PALLD: variants seen among roughly 807,000 people sequenced by gnomAD.
PALLD encodes the protein palladin.
In PALLD, 61 loss-of-function variants were observed where a neutral mutation model predicts 123.5. The observed-to-expected ratio is 0.49, with a 90% CI of 0.40 to 0.61. PALLD has a LOEUF of 0.61. Among genes scored for constraint, PALLD ranks in the 20% least tolerant of loss-of-function variants. The probability of loss-of-function intolerance (pLI) is 0.00; values close to 1 mark genes in which losing one functional copy is unlikely to be tolerated. For missense variants in PALLD, 1,273 were observed against 1,377.0 expected (o/e 0.92, Z 1.20); for synonymous variants, 465 against 496.4 (o/e 0.94, Z 0.84).
rs1363674362 is a variant in PALLD, at chr4:168,908,462, CAT to C, written c.2622+4557_2622+4558del. 5.3e-5 allele frequency among the ~76,000 whole-genome samples: 8 copies of C among 152,076 alleles called. No homozygotes were observed. In the East Asian group the frequency reaches 7.7e-4, roughly 15 times the overall value. On this transcript the variant is annotated intron_variant, in intron 15 of 21. Transcript: ENST00000505667. ...TTTTCTTATAATTTATGAATTAAGA[CAT>C]GAGTTTAAATAGTCATGTCATAAAA...
At chr4:168,794,426 T>C (rs1398872387) in intron 10 of PALLD, among the ~76,000 whole-genome samples, 2 of 149,040 alleles carry the variant, frequency 1.3e-5, no homozygotes, top group Admixed American at 1.3e-4. Context: ...CGCACACGCA[T>C]GCGCGCGCAC....
chr4:168,589,247 C>G (rs951378652), intron 2 of PALLD, among the ~76,000 whole-genome samples: 1 of 152,188 alleles, frequency 6.6e-6, no homozygotes, highest in African/African-American at 2.4e-5. Context: ...AGAACAGCTG[C>G]ATCCACTGCA....
At chr4:168,658,286 T>G (rs1778789155) in intron 2 of PALLD, among the ~76,000 whole-genome samples, 1 of 101,516 alleles carries the variant, frequency 9.9e-6, no homozygotes, top group South Asian at 3.1e-4. Context: ...TTTTATTTGG[T>G]TTTTTTTTTT....
rs868127208 is a variant in PALLD, at chr4:168,670,642, A to G, written c.1087+2274A>G. 1.5e-3 allele frequency among the ~76,000 whole-genome samples: 225 copies of G among 150,276 alleles called. 1 individual carries two copies. Among genetic ancestry groups the G allele is most frequent in the African/African-American group, 4.9e-3 (198 of 40,532 alleles). ...CAGCTACTCGGGAGGCTGAGGCAGG[A>G]GAATTGCGTGAACCCGGGAAGCGGA... On this transcript the variant is annotated intron_variant, in intron 3 of 21. Coordinates refer to ENST00000505667, the MANE Select transcript of PALLD (RefSeq NM_001166108.2).
chr4:168,547,385 TAAC>T (rs1209147381), intron 2 of PALLD, among the ~76,000 whole-genome samples: 2 of 151,670 alleles, frequency 1.3e-5, no homozygotes, highest in Admixed American at 1.3e-4. Flanking sequence ...ACACCGCCAA[TAAC>T]ACCACAATGA....
chr4:168,858,042 CT>C (rs1421949348), intron 10 of PALLD, among the ~76,000 whole-genome samples: 1 of 152,228 alleles, frequency 6.6e-6, no homozygotes, highest in East Asian at 1.9e-4. Context: ...GGGCAGCCCC[CT>C]GCCTTGTTAT....
intron 2 of PALLD, among the ~76,000 whole-genome samples, chr4:168,553,598 G>A (rs984998268): frequency 9.2e-5 from 14 of 152,194 alleles, no homozygotes; most frequent in Middle Eastern, 6.8e-3. Flanking sequence ...AGAAGGCTGG[G>A]GTGAATTAGA....
chr4:168,921,322 G>A (rs181568026), intron 17 of PALLD, among the ~76,000 whole-genome samples: 2 of 144,204 alleles, frequency 1.4e-5, no homozygotes, highest in Non-Finnish European at 1.5e-5. Flanking sequence ...CAGGAGAATC[G>A]CTTGAACCCG....
chr4:168,594,584 G>C (rs1466968716), intron 2 of PALLD, among the ~76,000 whole-genome samples: 1 of 152,148 alleles, frequency 6.6e-6, no homozygotes, highest in Non-Finnish European at 1.5e-5. Context: ...AAGAGGACTT[G>C]AATTCTTGTT....
chr4:168,877,768 G>A, intron 10 of PALLD: 2 of 1,192,884 alleles, frequency 1.7e-6, no homozygotes, highest in Non-Finnish European at 2.1e-6. Context: ...TCCGACTGGA[G>A]CAGGAGGCCG....
At chr4:168,647,547 A>G (rs1050549940) in intron 2 of PALLD, among the ~76,000 whole-genome samples, 2 of 152,162 alleles carry the variant, frequency 1.3e-5, no homozygotes, top group Admixed American at 1.3e-4. Flanking sequence ...TTGGGAGGCC[A>G]AGGCAGGCAC....
At chr4:168,918,017 G>A (rs969717651) in intron 17 of PALLD, among the ~76,000 whole-genome samples, 2 of 151,934 alleles carry the variant, frequency 1.3e-5, no homozygotes, top group Non-Finnish European at 2.9e-5. Flanking sequence ...TGACCAACAT[G>A]GTGAAACCCC....
chr4:168,746,544 T>G (rs1730349396), intron 10 of PALLD, among the ~76,000 whole-genome samples: 1 of 152,104 alleles, frequency 6.6e-6, no homozygotes, highest in Admixed American at 6.5e-5. Context: ...CAGTCCTTAG[T>G]GCATTGTACA....
At chr4:168,914,155 C>T in intron 16 of PALLD, 134 bp downstream of exon 16, 2 of 687,842 alleles carry the variant, frequency 2.9e-6, no homozygotes, top group Non-Finnish European at 5.2e-6. Context: ...AACCTGAAGC[C>T]TGTGGCTCCT....
intron 10 of PALLD, among the ~76,000 whole-genome samples, chr4:168,735,192 G>A (rs1188596948): frequency 6.6e-6 from 1 of 152,100 alleles, no homozygotes; most frequent in Admixed American, 6.5e-5. Flanking sequence ...CAAAAGTTAT[G>A]TGCTGTCCCC....
At chr4:168,890,480 G>A (rs1012862477) in intron 10 of PALLD, among the ~76,000 whole-genome samples, 2 of 152,144 alleles carry the variant, frequency 1.3e-5, no homozygotes, top group Admixed American at 6.5e-5. Flanking sequence ...CTGAATAAAA[G>A]TATGATAAAA....
chr4:168,924,883 C>T (rs1459642669), intron 19 of PALLD, 62 bp from the exon 20 acceptor site: 18 of 1,542,314 alleles, frequency 1.2e-5, no homozygotes, highest in Non-Finnish European at 1.6e-5. Context: ...AAAAATGATG[C>T]TTCATGTCCA....
At chr4:168,893,970 G>A (rs376441146) in intron 11 of PALLD, among the ~76,000 whole-genome samples, 1 of 152,152 alleles carries the variant, frequency 6.6e-6, no homozygotes, top group Non-Finnish European at 1.5e-5. Flanking sequence ...AATAGTTGCC[G>A]CCAATCCCCT....
intron 2 of PALLD, among the ~76,000 whole-genome samples, chr4:168,577,078 C>T (rs576513795): frequency 2.0e-5 from 3 of 151,946 alleles, no homozygotes; most frequent in South Asian, 2.1e-4. Flanking sequence ...CCGGCAGGCT[C>T]GAAGACTCCA....
Sources: gnomAD v4.1 joint callset for allele counts (sites outside exome capture counted in the v4.1 genomes callset) on GRCh38, gnomAD v4.1.1 for gene constraint, MANE v1.5 for transcripts, NCBI Gene and HGNC (gene_info 2026-07-23, HGNC 2026-07-21) for gene names.